Variants in DYM observed in about 807,000 individuals in gnomAD.
DYM encodes dyggve-Melchior-Clausen syndrome protein.
DYM carries 78 observed loss-of-function variants against 93.1 expected under a neutral mutation model. The ratio of observed to expected loss-of-function variants is 0.84; its 90% CI spans 0.70 to 1.01. The LOEUF (loss-of-function observed/expected upper bound fraction) is 1.01, where lower values mean the gene tolerates loss of function less well. Among genes scored for constraint, DYM ranks in the 50% least tolerant of loss-of-function variants. The pLI, the probability that DYM is intolerant of heterozygous loss-of-function variation, is 0.00. For missense variants in DYM, 789 were observed against 845.0 expected (o/e 0.93, Z 0.82); for synonymous variants, 321 against 319.7 (o/e 1.00, Z -0.04).
chr18:49,154,240 G>T (rs1466938076), intron 15 of DYM, among the ~76,000 whole-genome samples: 1 of 152,088 alleles, frequency 6.6e-6, no homozygotes, highest in Non-Finnish European at 1.5e-5. Context: ...TCCCAGAAAA[G>T]AATAGGCATT....
At chr18:49,348,635 G>A (rs981918063) in intron 6 of DYM, among the ~76,000 whole-genome samples, 2 of 151,602 alleles carry the variant, frequency 1.3e-5, no homozygotes, top group Non-Finnish European at 2.9e-5. Context: ...TGGGCCGAGT[G>A]CGGTGGCTCA....
At chr18:49,274,131 A>T (rs1374138969) in intron 10 of DYM, among the ~76,000 whole-genome samples, 1 of 152,016 alleles carries the variant, frequency 6.6e-6, no homozygotes, top group East Asian at 1.9e-4. Flanking sequence ...TCTCAAAAAC[A>T]AACCCCATAC....
In DYM at chr18:49,042,645, T is replaced by C. The variant is rs1053261121; in HGVS notation, c.*1410A>G. 1.3e-5 allele frequency: 2 copies of C among 152,274 alleles called. No homozygotes were observed. The highest frequency in any genetic ancestry group is 1.9e-4 in the East Asian group (1 of 5,204). 9.4% of individuals were successfully genotyped at this position (152,274 alleles called of 1,614,324 possible). The stretch of plus-strand genomic sequence containing the variant: ...GAGCTGGCAGTGGATTCGAACAGTG[T>C]GCTCAGTCTCGTCTGGGCTTTTGTG... On this transcript the variant is annotated 3_prime_UTR_variant, in exon 18 of 18. Coordinates refer to ENST00000675505, the MANE Select transcript of DYM (RefSeq NM_001353214.3).
intron 14 of DYM, among the ~76,000 whole-genome samples, chr18:49,175,433 A>G (rs1158747103): frequency 2.0e-5 from 3 of 152,212 alleles, no homozygotes; most frequent in African/African-American, 7.2e-5. Flanking sequence ...TTTACTAAGA[A>G]CACTGACATT....
chr18:49,302,834 T>C (rs2061026876), intron 8 of DYM, among the ~76,000 whole-genome samples: 1 of 152,182 alleles, frequency 6.6e-6, no homozygotes, highest in African/African-American at 2.4e-5. Context: ...AAACTGATGC[T>C]CTCAACCACC....
chr18:49,436,035 T>G (rs75165075), intron 1 of DYM, among the ~76,000 whole-genome samples: 13,891 of 152,216 alleles, frequency 0.091, 856 homozygotes, highest in East Asian at 0.31. Context: ...ATTTTAGAGA[T>G]AGGGTCTCAC....
chr18:49,243,714 A>C (rs919079087), intron 13 of DYM, among the ~76,000 whole-genome samples: 11 of 151,954 alleles, frequency 7.2e-5, no homozygotes, highest in African/African-American at 2.7e-4. Context: ...TGCTAGAACC[A>C]GTCTCTTTAG....
chr18:49,155,262 T>C (rs2086267158), intron 15 of DYM, among the ~76,000 whole-genome samples: 2 of 152,250 alleles, frequency 1.3e-5, no homozygotes, highest in African/African-American at 4.8e-5. Flanking sequence ...TTTATTTTCC[T>C]ACATTCACCT....
At position 49,111,656 on chromosome 18, in the gene DYM, T is replaced by C. The variant is rs560639669; in HGVS notation, c.1911+7088A>G. ...TTGCTGGGATCTGAAGTGCCACAGG[T>C]TTTTCAACGTTCATGCTCCACGTTC... On this transcript the variant is annotated intron_variant, in intron 16 of 17. Coordinates refer to ENST00000675505, the MANE Select transcript of DYM (RefSeq NM_001353214.3). 9.9e-5 allele frequency among the ~76,000 whole-genome samples: 15 copies of C among 152,060 alleles called. No individual in the cohort carries two copies. The East Asian group carries it at 2.9e-3, about 29-fold the overall frequency.
rs536744965 is a variant in DYM, at chr18:49,159,303, T to C, written c.1728+4382A>G. Among the ~76,000 whole-genome samples, 26 of 152,230 alleles carry C rather than the reference T, an allele frequency of 1.7e-4. No homozygotes were observed. The South Asian group carries it at 4.6e-3, about 27-fold the overall frequency. On this transcript the variant is annotated intron_variant, in intron 15 of 17. Transcript: ENST00000675505. ...AACCTAAAAAGGATGGGGTGGAAAA[T>C]AGAAACATCTCTGAATTTAAATTTT...
intron 5 of DYM, among the ~76,000 whole-genome samples, chr18:49,371,644 A>G (rs2067054501): frequency 6.6e-6 from 1 of 152,242 alleles, no homozygotes; most frequent in African/African-American, 2.4e-5. Flanking sequence ...AATGGGGTAT[A>G]ATACCAAGCC....
Position 49,112,917 on chromosome 18 carries a change from C to T in DYM, c.1911+5827G>A, listed in dbSNP as rs1028709314. ...TACCTGCTTCAAGTTTTGGCTCAAA[C>T]GCACCTGATTACATTCTTTAAATCT... On this transcript the variant is annotated intron_variant, in intron 16 of 17. Transcript: ENST00000675505. Among the ~76,000 whole-genome samples the T allele has an allele frequency of 4.6e-5, 7 of 152,120 alleles. No homozygotes were observed. In the East Asian group the frequency reaches 1.2e-3, roughly 25 times the overall value.
intron 1 of DYM, among the ~76,000 whole-genome samples, chr18:49,446,096 C>G (rs913276522): frequency 6.6e-6 from 1 of 152,036 alleles, no homozygotes; most frequent in Non-Finnish European, 1.5e-5. Context: ...GATTTATAAA[C>G]GCAGAGGTAA....
At chr18:49,214,934 G>A (rs777578859) in intron 13 of DYM, among the ~76,000 whole-genome samples, 25 of 152,146 alleles carry the variant, frequency 1.6e-4, no homozygotes, top group African/African-American at 5.3e-4. Flanking sequence ...AGCCCAGGAG[G>A]TCATCATGTG....
At chr18:49,072,639 T>G (rs139188230) in intron 17 of DYM, among the ~76,000 whole-genome samples, 2 of 152,390 alleles carry the variant, frequency 1.3e-5, no homozygotes, top group East Asian at 1.9e-4. Context: ...TTTCATTTCC[T>G]GATAAATGAA....
chr18:49,200,188 G>C (rs944655039), intron 14 of DYM, among the ~76,000 whole-genome samples: 9 of 151,892 alleles, frequency 5.9e-5, no homozygotes, highest in Admixed American at 5.9e-4. Flanking sequence ...GTAACTTAGG[G>C]GTGGTTGGGA....
intron 8 of DYM, among the ~76,000 whole-genome samples, chr18:49,317,551 TTCTCTCTC>T (rs796373730): frequency 1.4e-4 from 4 of 29,352 alleles, no homozygotes; most frequent in East Asian, 7.5e-4. Flanking sequence ...CCATCTAGAT[TTCTCTCTC>T]TCTCTCTCTC....
intron 14 of DYM, among the ~76,000 whole-genome samples, chr18:49,183,794 C>T (rs1364105341): frequency 1.3e-4 from 20 of 152,030 alleles, no homozygotes; most frequent in Non-Finnish European, 2.9e-4. Context: ...CCTCTAGTAT[C>T]GCTGTATTTG....
At chr18:49,099,432 G>A (rs182039095) in intron 16 of DYM, among the ~76,000 whole-genome samples, 39 of 152,202 alleles carry the variant, frequency 2.6e-4, no homozygotes, top group African/African-American at 9.1e-4. Context: ...CAGACCAGAG[G>A]TTTCCAAACT....
Sources: allele counts gnomAD v4.1 joint callset (sites outside exome capture counted in the v4.1 genomes callset), GRCh38; gene constraint gnomAD v4.1.1; transcripts MANE v1.5; gene names NCBI Gene and HGNC (gene_info 2026-07-23, HGNC 2026-07-21).